NCAM2: variants seen among roughly 807,000 people sequenced by gnomAD.
NCAM2 encodes N-CAM-2.
A neutral mutation model predicts 98.1 loss-of-function variants in NCAM2; 30 were observed. That is an observed-to-expected ratio of 0.31 (90% CI 0.23 to 0.41). NCAM2 has a LOEUF of 0.41. NCAM2 is among the 10% of genes least tolerant of loss of function. NCAM2 has a pLI of 1.00. For missense variants in NCAM2, 867 were observed against 1,005.8 expected, an observed-to-expected ratio of 0.86 and a Z score of 1.87; for synonymous variants, 368 against 342.4, an observed-to-expected ratio of 1.07 and a Z score of -0.83.
intron 8 of NCAM2, among the ~76,000 whole-genome samples, chr21:21,368,154 A>C (rs553077504): frequency 4.7e-4 from 71 of 152,054 alleles, no homozygotes; most frequent in African/African-American, 1.7e-3. Context: ...AAATATGGGT[A>C]CTTATTTTAA....
At chr21:21,041,090 G>C (rs961269318) in intron 1 of NCAM2, among the ~76,000 whole-genome samples, 1 of 151,774 alleles carries the variant, frequency 6.6e-6, no homozygotes, top group African/African-American at 2.4e-5. Flanking sequence ...AGAAAGAAAA[G>C]ACTGAAAAAC....
intron 12 of NCAM2, among the ~76,000 whole-genome samples, chr21:21,444,497 T>G (rs969880676): frequency 6.6e-6 from 1 of 152,154 alleles, no homozygotes; most frequent in Non-Finnish European, 1.5e-5. Flanking sequence ...TATTAATTAT[T>G]GCCTCAATTT....
At chr21:21,062,308 C>CT (rs1166736061) in intron 1 of NCAM2, among the ~76,000 whole-genome samples, 1 of 150,474 alleles carries the variant, frequency 6.6e-6, no homozygotes, top group Non-Finnish European at 1.5e-5. Context: ...TTTTATTTTG[C>CT]TTTTTTTTCG....
intron 8 of NCAM2, among the ~76,000 whole-genome samples, chr21:21,358,084 G>T (rs1602094428): frequency 6.6e-6 from 1 of 152,200 alleles, no homozygotes; most frequent in East Asian, 1.9e-4. Context: ...CTATTCCCTT[G>T]AATTTCTCTA....
intron 1 of NCAM2, among the ~76,000 whole-genome samples, chr21:21,091,243 T>G (rs1334514027): frequency 1.3e-5 from 2 of 152,212 alleles, no homozygotes; most frequent in African/African-American, 4.8e-5. Context: ...GTGATTTTAT[T>G]ATGTAATTAT....
At chr21:21,062,625 A>T (rs1269625090) in intron 1 of NCAM2, among the ~76,000 whole-genome samples, 1 of 152,188 alleles carries the variant, frequency 6.6e-6, no homozygotes. Flanking sequence ...TTGTTGTTTA[A>T]GCCGCCTAGT....
intron 4 of NCAM2, among the ~76,000 whole-genome samples, chr21:21,288,330 A>G (rs1380178442): frequency 6.6e-6 from 1 of 151,934 alleles, no homozygotes; most frequent in African/African-American, 2.4e-5. Flanking sequence ...ATGGCTATAT[A>G]TTAGATTCTT....
intron 1 of NCAM2, among the ~76,000 whole-genome samples, chr21:21,205,032 A>T (rs534016588): frequency 7.1e-6 from 1 of 140,810 alleles, no homozygotes; most frequent in African/African-American, 3.1e-5. Context: ...GCAAAATAAC[A>T]TATATATATA....
intron 1 of NCAM2, among the ~76,000 whole-genome samples, chr21:21,138,063 T>TCTTTTGTCCTAC (rs1382708840): frequency 6.6e-6 from 1 of 152,134 alleles, no homozygotes; most frequent in Non-Finnish European, 1.5e-5. Context: ...GAAACTCATG[T>TCTTTTGTCCTAC]CTTTTGTCCT....
intron 1 of NCAM2, among the ~76,000 whole-genome samples, chr21:21,131,476 T>G (rs1037690499): frequency 2.0e-5 from 3 of 152,154 alleles, no homozygotes. Flanking sequence ...TTTCTCCTTG[T>G]TGGTCAGGCT....
chr21:21,385,917 C>CT (rs1032967637), intron 9 of NCAM2, among the ~76,000 whole-genome samples: 2 of 151,298 alleles, frequency 1.3e-5, no homozygotes, highest in Admixed American at 6.6e-5. Context: ...TTTTCATTTA[C>CT]TTTTTTTTTC....
intron 12 of NCAM2, among the ~76,000 whole-genome samples, chr21:21,440,817 C>T (rs1463373744): frequency 6.6e-6 from 1 of 152,094 alleles, no homozygotes; most frequent in Non-Finnish European, 1.5e-5. Flanking sequence ...TTAAAGATTT[C>T]AGAAATTCTA....
chr21:21,494,924 C>T (rs1329264449), intron 15 of NCAM2, among the ~76,000 whole-genome samples: 1 of 151,184 alleles, frequency 6.6e-6, no homozygotes, highest in Non-Finnish European at 1.5e-5. Flanking sequence ...TCAAAATAAG[C>T]ACAGCTCAGT....
intron 9 of NCAM2, among the ~76,000 whole-genome samples, chr21:21,393,283 C>T (rs1602203493): frequency 1.3e-5 from 2 of 152,058 alleles, no homozygotes; most frequent in East Asian, 3.9e-4. Flanking sequence ...TCTGAGTTCC[C>T]AATTCTGCTC....
At chr21:21,468,935 G>A (rs2146223005) in intron 14 of NCAM2, 152 bp downstream of exon 14, 2 of 659,374 alleles carry the variant, frequency 3.0e-6, no homozygotes, top group East Asian at 6.4e-5. Context: ...TCATCATTGT[G>A]ATTTTTTTTT....
chr21:21,258,623 A>G (rs951122980), intron 1 of NCAM2, among the ~76,000 whole-genome samples: 1 of 152,170 alleles, frequency 6.6e-6, no homozygotes, highest in African/African-American at 2.4e-5. Flanking sequence ...TGCTGGGGTC[A>G]GAGAACCAGG....
chr21:21,219,080 G>A (rs1207702216), intron 1 of NCAM2, among the ~76,000 whole-genome samples: 2 of 152,186 alleles, frequency 1.3e-5, no homozygotes, highest in East Asian at 1.9e-4. Flanking sequence ...TGGCCCACAG[G>A]CCACATGCAG....
chr21:21,321,824 G>A (rs535409789), intron 5 of NCAM2, among the ~76,000 whole-genome samples: 13 of 152,234 alleles, frequency 8.5e-5, no homozygotes, highest in East Asian at 3.9e-4. Flanking sequence ...AACAGGTGCC[G>A]TCAAGACTTC....
Position 21,305,617 on chromosome 21 carries a change from G to T in NCAM2, c.619+13376G>T, listed in dbSNP as rs1386479009. On this transcript the variant is annotated intron_variant, in intron 5 of 17. Transcript: ENST00000400546. ...TTACTGAGTTTTTTTTATCAATAAT[G>T]AATTTTTCTCTGTCTGCCTCCTTTC... Among the ~76,000 whole-genome samples, 3 of 151,956 alleles carry T rather than the reference G, an allele frequency of 2.0e-5. No individual in the cohort carries two copies. In the South Asian group the frequency reaches 6.2e-4, roughly 32 times the overall value.
Sources: gnomAD v4.1 joint callset for allele counts (sites outside exome capture counted in the v4.1 genomes callset) on GRCh38, gnomAD v4.1.1 for gene constraint, MANE v1.5 for transcripts, NCBI Gene and HGNC (gene_info 2026-07-23, HGNC 2026-07-21) for gene names.